The following MYO3A variants were observed in gnomAD, a reference collection of about 807,000 sequenced individuals.
MYO3A encodes the protein myosin IIIA.
Under a neutral mutation model 192.7 loss-of-function variants are expected in MYO3A, and 180 were observed. The observed-to-expected ratio is 0.93, with a 90% CI of 0.83 to 1.06. The LOEUF (loss-of-function observed/expected upper bound fraction) is 1.06. Ranked by LOEUF, MYO3A falls within the 50% of genes least tolerant of loss-of-function variation. The pLI is 0.00. For missense variants in MYO3A, 1,896 were observed against 1,905.0 expected (o/e 1.00, Z 0.09); for synonymous variants, 628 against 645.3 (o/e 0.97, Z 0.41).
intron 17 of MYO3A, among the ~76,000 whole-genome samples, chr10:26,099,378 T>A (rs1325632463): frequency 1.3e-5 from 2 of 152,216 alleles, no homozygotes; most frequent in African/African-American, 2.4e-5. Flanking sequence ...TGACTTCCTC[T>A]TTTCCTAATT....
intron 17 of MYO3A, among the ~76,000 whole-genome samples, chr10:26,115,401 A>G (rs143412930): frequency 6.6e-6 from 1 of 152,304 alleles, no homozygotes; most frequent in African/African-American, 2.4e-5. Context: ...ATATCCAAAG[A>G]AGGCATGCTT....
intron 17 of MYO3A, among the ~76,000 whole-genome samples, chr10:26,104,423 C>T (rs1837662896): frequency 6.6e-6 from 1 of 152,066 alleles, no homozygotes; most frequent in African/African-American, 2.4e-5. Flanking sequence ...ATTCAGTGTA[C>T]CAGCACCATT....
chr10:26,028,154 T>C (rs967539984), intron 10 of MYO3A, among the ~76,000 whole-genome samples: 1 of 152,214 alleles, frequency 6.6e-6, no homozygotes, highest in African/African-American at 2.4e-5. Flanking sequence ...TGTTATCTCA[T>C]GTGATTTTAC....
At chr10:26,169,615 A>G (rs1841941401) in intron 28 of MYO3A, among the ~76,000 whole-genome samples, 1 of 152,224 alleles carries the variant, frequency 6.6e-6, no homozygotes, top group South Asian at 2.1e-4. Flanking sequence ...TGCAGCCTGC[A>G]TTCTGAAGAA....
rs886307535 is a variant in MYO3A, at chr10:25,948,499, A to G, written c.-17-3595A>G. Among the ~76,000 whole-genome samples the G allele has an allele frequency of 4.6e-5, 7 of 152,230 alleles. No homozygotes were observed. In the East Asian group the frequency reaches 1.2e-3, roughly 25 times the overall value. ...TATGTTGAAAATAATTATTTGGCTT[A>G]CATGATCATATAACTAAGAACTTAT... On this transcript the variant is annotated intron_variant, in intron 2 of 34. Transcript: ENST00000642920.
At chr10:26,096,738 T>C (rs1837065877) in intron 17 of MYO3A, 56 bp downstream of exon 17, 2 of 1,208,700 alleles carry the variant, frequency 1.7e-6, no homozygotes, top group Admixed American at 1.7e-5. Flanking sequence ...TCATCACTAA[T>C]GTTAAGAGCA....
chr10:26,172,420 A>G (rs1842096425), intron 29 of MYO3A, among the ~76,000 whole-genome samples: 1 of 152,188 alleles, frequency 6.6e-6, no homozygotes, highest in Non-Finnish European at 1.5e-5. Flanking sequence ...CCATCATTGC[A>G]CATGTTCCCC....
At chr10:26,180,686 A>G (rs1156869210) in intron 31 of MYO3A, among the ~76,000 whole-genome samples, 2 of 151,632 alleles carry the variant, frequency 1.3e-5, no homozygotes, top group Non-Finnish European at 2.9e-5. Flanking sequence ...AATTTCTAAT[A>G]GAAAAAGAGC....
At chr10:26,191,254 G>T (rs1415633277) in intron 31 of MYO3A, among the ~76,000 whole-genome samples, 1 of 152,112 alleles carries the variant, frequency 6.6e-6, no homozygotes, top group Non-Finnish European at 1.5e-5. Context: ...AGAGGATAAT[G>T]AGAAGGAAAA....
intron 2 of MYO3A, among the ~76,000 whole-genome samples, chr10:25,950,093 G>A (rs1254377901): frequency 2.0e-5 from 3 of 152,130 alleles, no homozygotes; most frequent in Admixed American, 6.6e-5. Context: ...GATAAGTGGA[G>A]AAGGCTAACT....
rs143100680 is a variant in MYO3A at position 26,128,373 on chromosome 10, C to A, written c.2115-18C>A. The A allele has an allele frequency of 5.0e-6, 8 of 1,610,272 alleles. No individual in the cohort carries two copies. The African/African-American group carries it at 1.1e-4, about 21-fold the overall frequency. On this transcript the variant is annotated intron_variant, in intron 19 of 34. Transcript: ENST00000642920. ...CTTCAGGAAATAACTCAAAATAATG[C>A]CTCTTCAATTCTTCTAGTGGGAATG...
At chr10:26,091,446 T>C (rs892283855) in intron 15 of MYO3A, among the ~76,000 whole-genome samples, 3 of 152,350 alleles carry the variant, frequency 2.0e-5, no homozygotes, top group African/African-American at 7.2e-5. Context: ...AAGGCAATGC[T>C]AGATAATTCT....
chr10:26,071,906 C>T (rs56403024), intron 14 of MYO3A, among the ~76,000 whole-genome samples: 72,004 of 151,730 alleles, frequency 0.47, 17,861 homozygotes, highest in Middle Eastern at 0.59. Context: ...TTACTCCATT[C>T]TCACACTGCT....
At chr10:25,986,698 G>GA (rs1299909807) in intron 4 of MYO3A, among the ~76,000 whole-genome samples, 2 of 152,130 alleles carry the variant, frequency 1.3e-5, no homozygotes, top group African/African-American at 4.8e-5. Flanking sequence ...AAACCGTGCT[G>GA]AAAGAAATCA....
intron 20 of MYO3A, among the ~76,000 whole-genome samples, chr10:26,131,958 A>G (rs1440856611): frequency 6.6e-6 from 1 of 152,232 alleles, no homozygotes; most frequent in African/African-American, 2.4e-5. Context: ...TCTCAATTGT[A>G]TCAATTCCAC....
chr10:26,161,133 A>G (rs1841467873), intron 26 of MYO3A, among the ~76,000 whole-genome samples: 2 of 152,136 alleles, frequency 1.3e-5, no homozygotes, highest in African/African-American at 4.8e-5. Flanking sequence ...AAAAGGCTAA[A>G]CCTTTTCTGT....
In MYO3A at chr10:25,944,232, A is replaced by G. The variant is rs1051049977; in HGVS notation, c.-17-7862A>G. Among the ~76,000 whole-genome samples the G allele has an allele frequency of 7.2e-5, 11 of 152,116 alleles. No homozygotes were observed. The East Asian group carries it at 1.9e-3, about 27-fold the overall frequency. On this transcript the variant is annotated intron_variant, in intron 2 of 34. Coordinates refer to ENST00000642920, the MANE Select transcript of MYO3A (RefSeq NM_017433.5). ...TTTTCATATGTTGAATCATTTTTGT[A>G]TTCCAGAAATAAATCACCATTGGTC...
intron 7 of MYO3A, among the ~76,000 whole-genome samples, chr10:26,017,303 T>G (rs1842035766): frequency 6.6e-6 from 1 of 152,232 alleles, no homozygotes; most frequent in Non-Finnish European, 1.5e-5. Flanking sequence ...CAGGTTCCTG[T>G]GTTGAGTCAC....
chr10:26,035,961 T>TCTCC (rs1362908761), intron 10 of MYO3A, among the ~76,000 whole-genome samples: 1 of 151,818 alleles, frequency 6.6e-6, no homozygotes, highest in Non-Finnish European at 1.5e-5. Context: ...TGAGATGGAG[T>TCTCC]CTCCGGCTGT....
Sources: gnomAD v4.1 joint callset for allele counts (sites outside exome capture counted in the v4.1 genomes callset) on GRCh38, gnomAD v4.1.1 for gene constraint, MANE v1.5 for transcripts, NCBI Gene and HGNC (gene_info 2026-07-23, HGNC 2026-07-21) for gene names.